The following PEX3 variants were observed in gnomAD, a reference collection of about 807,000 sequenced individuals.
The protein encoded by PEX3 is peroxisomal biogenesis factor 3.
A neutral mutation model predicts 55.8 loss-of-function variants in PEX3; 30 were observed. The observed-to-expected ratio is 0.54, with a 90% CI of 0.40 to 0.73. The LOEUF (loss-of-function observed/expected upper bound fraction) is 0.73. Ranked by LOEUF, PEX3 falls within the 30% of genes least tolerant of loss-of-function variation. The pLI is 0.00. For missense variants in PEX3, 351 were observed against 432.8 expected, an observed-to-expected ratio of 0.81 and a Z score of 1.68; for synonymous variants, 135 against 148.4, an observed-to-expected ratio of 0.91 and a Z score of 0.66.
At position 143,453,180 on chromosome 6, in the gene PEX3, A is replaced by G. The variant is rs936365283; in HGVS notation, c.73+2065A>G. ...AAGCAAGTATACATGTAATTAAGAT[A>G]CAGAAAAACAAGAGAGGTGAAAAAA... On this transcript the variant is annotated intron_variant, in intron 1 of 11. Coordinates refer to ENST00000367591, the MANE Select transcript of PEX3 (RefSeq NM_003630.3). The surrounding 1 kb of genome is among the most constrained non-coding windows in gnomAD (Gnocchi z 4.6). Among the ~76,000 whole-genome samples the G allele has an allele frequency of 6.6e-6, 1 of 152,220 alleles. No homozygotes were observed. The highest frequency in any genetic ancestry group is 2.4e-5 in the African/African-American group (1 of 41,458).
rs2128745511 is a variant in PEX3 at position 143,458,992 on chromosome 6, A to G, written c.74-93A>G. ...AAAAATGTAATTTTAGCTATCCACT[A>G]ATATAAAACTTATAATTGCATAAAG... On this transcript the variant is annotated intron_variant, in intron 1 of 11. Coordinates refer to ENST00000367591, the MANE Select transcript of PEX3 (RefSeq NM_003630.3). The surrounding 1 kb of genome is among the most constrained non-coding windows in gnomAD (Gnocchi z 6.1). 1.2e-6 allele frequency: 1 copy of G among 801,210 alleles called. No individual in the cohort carries two copies. The highest frequency in any genetic ancestry group is 2.7e-5 in the East Asian group (1 of 36,668). The allele number at this position is 801,210 out of a possible 1,614,324, so 49.6% of individuals were successfully genotyped here. A position where few individuals can be genotyped will look rare whatever the true frequency, so the allele number is the denominator to read the frequency against.
At chr6:143,484,686 C>T (rs1780289859) in intron 10 of PEX3, among the ~76,000 whole-genome samples, 1 of 152,040 alleles carries the variant, frequency 6.6e-6, no homozygotes, top group Non-Finnish European at 1.5e-5. Context: ...TACATTCATA[C>T]CCTTTGACCC....
chr6:143,459,318 G>A lies in PEX3; in HGVS notation c.205+102G>A. On this transcript the variant is annotated intron_variant, in intron 2 of 11. Transcript: ENST00000367591. The surrounding 1 kb of genome is among the most constrained non-coding windows in gnomAD (Gnocchi z 4.2). Reference sequence around the variant, plus strand: ...TTAGAGGAAAAGGCAAAGAAAAGATGGTAAATCTAGCAAGTGTTTGAATGA... The same window carrying A: ...TTAGAGGAAAAGGCAAAGAAAAGATAGTAAATCTAGCAAGTGTTTGAATGA... 1.0e-6 allele frequency: 1 copy of A among 957,670 alleles called. No individual in the cohort carries two copies. Among genetic ancestry groups the A allele is most frequent in the South Asian group, 1.3e-5 (1 of 74,392 alleles). The allele number at this position is 957,670 out of a possible 1,614,324, so 59.3% of individuals were successfully genotyped here.
intron 4 of PEX3, among the ~76,000 whole-genome samples, chr6:143,468,808 C>CCCG (rs1562653853): frequency 0.075 from 1,239 of 16,514 alleles, 27 homozygotes; most frequent in African/African-American, 0.16. Flanking sequence ...CTATCCCCCC[C>CCCG]CCCCCCACCC....
In PEX3 at chr6:143,475,957, C is replaced by T. The variant is rs927578722; in HGVS notation, c.818+1101C>T. ...ACTGTTCTAAATGCTAGGTCTTCAT[C>T]CCTACTGGAATGTGTATGTTAGTGG... On this transcript the variant is annotated intron_variant, in intron 9 of 11. Transcript: ENST00000367591. The surrounding 1 kb of genome is among the most constrained non-coding windows in gnomAD (Gnocchi z 4.4). Among the ~76,000 whole-genome samples the T allele has an allele frequency of 4.6e-5, 7 of 152,196 alleles. No homozygotes were observed. The highest frequency in any genetic ancestry group is 8.8e-5 in the Non-Finnish European group (6 of 68,040).
rs540216824 is a variant in PEX3 at position 143,469,751 on chromosome 6, C to G, written c.332-1210C>G. 1.8e-4 allele frequency among the ~76,000 whole-genome samples: 28 copies of G among 152,294 alleles called. No individual in the cohort carries two copies. In the South Asian group the frequency reaches 5.8e-3, roughly 32 times the overall value. On this transcript the variant is annotated intron_variant, in intron 4 of 11. Transcript: ENST00000367591. ...GTGTTTTAGTCATGAAGTCCTTGCC[C>G]ATGCCAATGTCCTGAATGGTATTGC...
rs1350370961 is a variant in PEX3, at chr6:143,462,602, C to T, written c.206-314C>T. 6.6e-6 allele frequency among the ~76,000 whole-genome samples: 1 copy of T among 152,072 alleles called. No individual in the cohort carries two copies. Among genetic ancestry groups the T allele is most frequent in the African/African-American group, 2.4e-5 (1 of 41,400 alleles). ...TGGAAAAGAAAAAAAAGGAATTGTT[C>T]ATAATCCATAGCTCAAAGACCACCA... On this transcript the variant is annotated intron_variant, in intron 2 of 11. Transcript: ENST00000367591. This position sits in a 1 kb window ranked among gnomAD's most constrained non-coding sequence, Gnocchi z 4.1.
At chr6:143,470,224 A>G (rs1780054253) in intron 4 of PEX3, among the ~76,000 whole-genome samples, 2 of 152,220 alleles carry the variant, frequency 1.3e-5, no homozygotes, top group African/African-American at 4.8e-5. Context: ...CTGGGATTAC[A>G]GGCATAAGCC....
intron 4 of PEX3, among the ~76,000 whole-genome samples, chr6:143,470,730 T>G (rs1426355102): frequency 1.3e-5 from 2 of 152,224 alleles, no homozygotes; most frequent in Non-Finnish European, 2.9e-5. Context: ...TATACCTCTT[T>G]CACCTAATAT....
chr6:143,461,707 G>C (rs544579040), intron 2 of PEX3, among the ~76,000 whole-genome samples: 1 of 152,154 alleles, frequency 6.6e-6, no homozygotes, highest in Non-Finnish European at 1.5e-5. Flanking sequence ...AGCACTTTGG[G>C]AGGCAAAGGT....
Position 143,450,824 on chromosome 6 carries a change from GCGGCGGCAGCGGCAGAAAGCGTA to G in PEX3, c.-218_-196del. 3 of 768,676 alleles carry G rather than the reference GCGGCGGCAGCGGCAGAAAGCGTA, an allele frequency of 3.9e-6. No individual in the cohort carries two copies. The highest frequency in any genetic ancestry group is 6.5e-6 in the Non-Finnish European group (3 of 463,758). 47.6% of individuals were successfully genotyped at this position (768,676 alleles called of 1,614,324 possible). On this transcript the variant is annotated 5_prime_UTR_variant, in exon 1 of 12. Coordinates refer to ENST00000367591, the MANE Select transcript of PEX3 (RefSeq NM_003630.3). ...CGGACCAGTGAGCGGCGGCGGCTGC[GCGGCGGCAGCGGCAGAAAGCGTA>G]GCTGCTTTGCTGTAGTCCACGCCCC... is the stretch of plus-strand genomic sequence containing the variant.
In PEX3 at chr6:143,476,910, T is replaced by G. The variant is rs1370751365; in HGVS notation, c.818+2054T>G. On this transcript the variant is annotated intron_variant, in intron 9 of 11. Coordinates refer to ENST00000367591, the MANE Select transcript of PEX3 (RefSeq NM_003630.3). This position sits in a 1 kb window ranked among gnomAD's most constrained non-coding sequence, Gnocchi z 5.4. ...ATAGAGCAGTCCAACATTTAGAGTT[T>G]GGGATCGGGGGAAGAGCCAGCAAAG... Among the ~76,000 whole-genome samples the G allele has an allele frequency of 6.6e-6, 1 of 152,138 alleles. No homozygotes were observed. The highest frequency in any genetic ancestry group is 1.5e-5 in the Non-Finnish European group (1 of 68,010).
rs1191751386 is a variant in PEX3, at chr6:143,459,947, G to A, written c.205+731G>A. Reference sequence around the variant, plus strand: ...CAGAGCTAGAAACATAGTCCTGGGAGAATGCCATCACAAAATCAACCTGCC... The same window carrying A: ...CAGAGCTAGAAACATAGTCCTGGGAAAATGCCATCACAAAATCAACCTGCC... On this transcript the variant is annotated intron_variant, in intron 2 of 11. Transcript: ENST00000367591. The surrounding 1 kb of genome is among the most constrained non-coding windows in gnomAD (Gnocchi z 4.2). Among the ~76,000 whole-genome samples, 6 of 152,194 alleles carry A rather than the reference G, an allele frequency of 3.9e-5. No homozygotes were observed. Among genetic ancestry groups the A allele is most frequent in the African/African-American group, 1.4e-4 (6 of 41,452 alleles).
In PEX3 at chr6:143,462,420, C is replaced by G. The variant is rs1198983652; in HGVS notation, c.206-496C>G. Among the ~76,000 whole-genome samples, 2 of 152,036 alleles carry G rather than the reference C, an allele frequency of 1.3e-5. No individual in the cohort carries two copies. The highest frequency in any genetic ancestry group is 1.5e-5 in the Non-Finnish European group (1 of 68,002). Reference sequence around the variant, plus strand: ...AGTTCCTAACCCAGTGCACTTTTGTCTAGGTTATAATAAATGTTTATTACT... The same window carrying G: ...AGTTCCTAACCCAGTGCACTTTTGTGTAGGTTATAATAAATGTTTATTACT... On this transcript the variant is annotated intron_variant, in intron 2 of 11. Transcript: ENST00000367591. The surrounding 1 kb of genome is among the most constrained non-coding windows in gnomAD (Gnocchi z 4.1).
At chr6:143,470,151 T>C (rs537860090) in intron 4 of PEX3, among the ~76,000 whole-genome samples, 26 of 152,316 alleles carry the variant, frequency 1.7e-4, no homozygotes, top group Non-Finnish European at 3.7e-4. Flanking sequence ...GGTTTTACCA[T>C]GTTGGCCAGG....
chr6:143,463,938 A>G lies in PEX3; in HGVS notation c.287+941A>G, dbSNP rs1779957487. Among the ~76,000 whole-genome samples, 2 of 152,168 alleles carry G rather than the reference A, an allele frequency of 1.3e-5. No homozygotes were observed. Among genetic ancestry groups the G allele is most frequent in the African/African-American group, 4.8e-5 (2 of 41,450 alleles). On this transcript the variant is annotated intron_variant, in intron 3 of 11. Coordinates refer to ENST00000367591, the MANE Select transcript of PEX3 (RefSeq NM_003630.3). This position sits in a 1 kb window ranked among gnomAD's most constrained non-coding sequence, Gnocchi z 5.7. ...AAAACACTTACTATATTCAGAGAAT[A>G]CTTCCCAAAATAACAGTGGATTTGT...
At position 143,451,792 on chromosome 6, in the gene PEX3, G is replaced by A. The variant is rs1306667467; in HGVS notation, c.73+677G>A. Among the ~76,000 whole-genome samples the A allele has an allele frequency of 6.6e-6, 1 of 152,146 alleles. No homozygotes were observed. Among genetic ancestry groups the A allele is most frequent in the African/African-American group, 2.4e-5 (1 of 41,422 alleles). ...ATAACTGAGTTGCACAGGCCCAGAG[G>A]AGATTTAGAAACAGATAAGATAAAA... On this transcript the variant is annotated intron_variant, in intron 1 of 11. Coordinates refer to ENST00000367591, the MANE Select transcript of PEX3 (RefSeq NM_003630.3). This position sits in a 1 kb window ranked among gnomAD's most constrained non-coding sequence, Gnocchi z 4.1.
At position 143,485,635 on chromosome 6, in the gene PEX3, A is replaced by C. The variant is rs1780313353; in HGVS notation, c.1038+387A>C. On this transcript the variant is annotated intron_variant, in intron 11 of 11. Transcript: ENST00000367591. The surrounding 1 kb of genome is among the most constrained non-coding windows in gnomAD (Gnocchi z 5.6). Reference sequence around the variant, plus strand: ...ACTAAAAAAATTTGTGGAGAAGTAAAGCATTTTAGTGATTAATAAAATGTA... The same window carrying C: ...ACTAAAAAAATTTGTGGAGAAGTAACGCATTTTAGTGATTAATAAAATGTA... Among the ~76,000 whole-genome samples, 1 of 152,128 alleles carries C rather than the reference A, an allele frequency of 6.6e-6. No homozygotes were observed. Among genetic ancestry groups the C allele is most frequent in the Admixed American group, 6.6e-5 (1 of 15,248 alleles).
intron 9 of PEX3, among the ~76,000 whole-genome samples, chr6:143,478,665 C>T (rs1299896509): frequency 1.3e-5 from 2 of 152,040 alleles, no homozygotes; most frequent in Admixed American, 6.5e-5. Flanking sequence ...ACAGGCCTTT[C>T]GTCAAGCTTC....
Sources: allele counts gnomAD v4.1 joint callset (sites outside exome capture counted in the v4.1 genomes callset), GRCh38; gene constraint gnomAD v4.1.1; non-coding constraint Gnocchi (gnomAD v3.1); transcripts MANE v1.5; gene names NCBI Gene and HGNC (gene_info 2026-07-23, HGNC 2026-07-21).